Variants in MYH13 observed in about 807,000 individuals in gnomAD.
MYH13 encodes myosin-13.
In MYH13, 177 loss-of-function variants were observed where a neutral mutation model predicts 232.1. The observed-to-expected ratio is 0.76, with a 90% confidence interval of 0.67 to 0.86. The LOEUF (loss-of-function observed/expected upper bound fraction) is 0.86, where lower values mean the gene tolerates loss of function less well. Ranked by LOEUF, MYH13 falls within the 40% of genes least tolerant of loss-of-function variation. MYH13 has a pLI of 0.00. For missense variants in MYH13, 2,246 were observed against 2,405.9 expected (o/e 0.93, Z 1.39); for synonymous variants, 884 against 923.5 (o/e 0.96, Z 0.78).
chr17:10,348,589 A>G (rs2071685449), intron 12 of MYH13, among the ~76,000 whole-genome samples: 1 of 152,186 alleles, frequency 6.6e-6, no homozygotes, highest in African/African-American at 2.4e-5. Flanking sequence ...TAAGCACTGC[A>G]CACACACAGC....
Position 10,305,989 on chromosome 17 carries a change from T to C in MYH13, c.5466+470A>G, listed in dbSNP as rs918035711. Among the ~76,000 whole-genome samples, 4 of 151,978 alleles carry C rather than the reference T, an allele frequency of 2.6e-5. No individual in the cohort carries two copies. In the South Asian group the frequency reaches 6.2e-4, roughly 24 times the overall value. ...GCTGGGGAGGGAAGGAAACCTGAGA[T>C]TGGGAGAAAACGGAAACTGCAGATT... On this transcript the variant is annotated intron_variant, in intron 37 of 40. Coordinates refer to ENST00000252172, the MANE Select transcript of MYH13 (RefSeq NM_003802.3).
intron 26 of MYH13, 82 bp from the exon 27 acceptor site, chr17:10,319,261 C>A: frequency 2.0e-6 from 3 of 1,470,562 alleles, no homozygotes; most frequent in Non-Finnish European, 2.7e-6. Context: ...TGAGGAATTG[C>A]GGGTAGGCAG....
At chr17:10,326,119 T>C (rs1907189854) in intron 22 of MYH13, among the ~76,000 whole-genome samples, 1 of 152,216 alleles carries the variant, frequency 6.6e-6, no homozygotes. Context: ...GATTTTTCAA[T>C]AGCTGGATGA....
rs1278262059 is a variant in MYH13, at chr17:10,360,145, A to C, written c.533+16T>G. 6.2e-7 allele frequency: 1 copy of C among 1,614,190 alleles called. No homozygotes were observed. The highest frequency in any genetic ancestry group is 1.1e-5 in the South Asian group (1 of 91,078). The stretch of plus-strand genomic sequence containing the variant: ...CTGGTTTCCAAGTCATGATGGTACA[A>C]AGAGGTGTTACTCACGTGATGAGGA... On this transcript the variant is annotated intron_variant, in intron 6 of 40. Coordinates refer to ENST00000252172, the MANE Select transcript of MYH13 (RefSeq NM_003802.3).
chr17:10,334,768 ACTCGGGAGG>A (rs1401950371), intron 18 of MYH13, among the ~76,000 whole-genome samples: 2 of 152,066 alleles, frequency 1.3e-5, no homozygotes, highest in Non-Finnish European at 2.9e-5. Flanking sequence ...AGTCTCAGCT[ACTCGGGAGG>A]CTGCGTCAAG....
intron 31 of MYH13, among the ~76,000 whole-genome samples, chr17:10,312,283 C>T (rs1250680447): frequency 1.3e-5 from 2 of 152,182 alleles, no homozygotes; most frequent in African/African-American, 2.4e-5. Context: ...ACATTATAAT[C>T]TCAGTGGAAC....
chr17:10,355,491 A>C (rs2071742250), intron 8 of MYH13, among the ~76,000 whole-genome samples: 1 of 152,340 alleles, frequency 6.6e-6, no homozygotes, highest in South Asian at 2.1e-4. Context: ...AATAAATGGC[A>C]TGCTTACATC....
Position 10,345,594 on chromosome 17 carries a change from A to G in MYH13, c.1286T>C (p.Leu429Pro), listed in dbSNP as rs1409298516. The stretch of plus-strand genomic sequence containing the variant: ...CATCTTCTCGTAGACGGCTTTGGCC[A>G]GAGCACCCACCGAATTGGTCACCTT... ...VQQVTNSVGA[L>P]AKAVYEKMFL... is the part of the protein sequence containing the mutation. The change falls in exon 14 of 41, where the codon CTG (leucine) becomes CCG (proline). Residue 429 changes from leucine to proline, a missense_variant. Physicochemically the swap from Leu to Pro is moderately conservative, Grantham distance 98. Coordinates refer to ENST00000252172, the MANE Select transcript of MYH13 (RefSeq NM_003802.3). 1 of 1,614,196 alleles carries G rather than the reference A, an allele frequency of 6.2e-7. No homozygotes were observed. Among genetic ancestry groups the G allele is most frequent in the East Asian group, 2.2e-5 (1 of 44,874 alleles).
At chr17:10,319,578 A>G (rs933349049) in intron 26 of MYH13, among the ~76,000 whole-genome samples, 11 of 152,116 alleles carry the variant, frequency 7.2e-5, no homozygotes, top group Non-Finnish European at 1.3e-4. Context: ...CTAAGTGTCC[A>G]TGGATAAGAG....
intron 29 of MYH13, among the ~76,000 whole-genome samples, chr17:10,314,673 C>A (rs1035952214): frequency 6.6e-6 from 1 of 152,152 alleles, no homozygotes; most frequent in African/African-American, 2.4e-5. Flanking sequence ...CAAAAGATTG[C>A]CCTATAAGTC....
intron 19 of MYH13, among the ~76,000 whole-genome samples, chr17:10,332,573 C>T (rs1907447062): frequency 6.6e-6 from 1 of 152,196 alleles, no homozygotes; most frequent in South Asian, 2.1e-4. Flanking sequence ...AAGGTCCTCT[C>T]CTGTCCTCCA....
chr17:10,301,441 A>C, intron 40 of MYH13, 128 bp downstream of exon 40: 1 of 1,407,440 alleles, frequency 7.1e-7, no homozygotes, highest in Non-Finnish European at 9.8e-7. Flanking sequence ...ACCTGCTCTT[A>C]CCTGGTCCCC....
At chr17:10,308,336 A>G (rs2142218763) in intron 35 of MYH13, among the ~76,000 whole-genome samples, 1 of 151,734 alleles carries the variant, frequency 6.6e-6, no homozygotes, top group East Asian at 1.9e-4. Flanking sequence ...TCAAAAAAAA[A>G]AAAAAAAGAT....
Position 10,354,920 on chromosome 17 carries a change from C to A in MYH13, c.876G>T (p.Met292Ile). Residue 292 changes from methionine to isoleucine, a missense_variant, in exon 10 of 41, where the codon ATG becomes ATT. Transcript: ENST00000252172. The part of the protein sequence containing the change: ...ERSYHIFYQI[M>I]SNKKPELIDL... ...CAATTAGTTCTGGCTTCTTGTTTGA[C>A]ATAATTTGGTAGAAAATATGATAGC... The A allele has an allele frequency of 6.2e-7, 1 of 1,603,566 alleles. No homozygotes were observed. Among genetic ancestry groups the A allele is most frequent in the Non-Finnish European group, 8.5e-7 (1 of 1,170,522 alleles).
rs1187900240 is a variant in MYH13, at chr17:10,309,318, G to A, written c.5085C>T (p.Ala1695=). The A allele has an allele frequency of 6.2e-7, 1 of 1,613,818 alleles. No homozygotes were observed. Among genetic ancestry groups the A allele is most frequent in the East Asian group, 2.2e-5 (1 of 44,890 alleles). Residue 1695 remains alanine, a synonymous_variant, in exon 35 of 41, where the codon GCC becomes GCT. Transcript: ENST00000252172. Reference sequence around the variant, plus strand: ...TGCGGGTCCGCTCCGTCTGTTCCAGGGCCACCTTCATTTCCTCCAGCTCCT... The same window carrying A: ...TGCGGGTCCGCTCCGTCTGTTCCAGAGCCACCTTCATTTCCTCCAGCTCCT... ...LLEELEEMKV[A]LEQTERTRRL...
At chr17:10,361,698 C>T (rs28669357) in intron 5 of MYH13, among the ~76,000 whole-genome samples, 5,216 of 152,224 alleles carry the variant, frequency 0.034, 257 homozygotes, top group East Asian at 0.11. Context: ...TGTCCTTACT[C>T]CCCAGGTCAT....
chr17:10,340,568 G>A (rs1597383810), intron 16 of MYH13, among the ~76,000 whole-genome samples, 167 bp from the exon 17 acceptor site: 1 of 152,260 alleles, frequency 6.6e-6, no homozygotes, highest in South Asian at 2.1e-4. Flanking sequence ...GTCCAGGCTG[G>A]AGTGCAATGG....
chr17:10,329,906 G>A (rs1158015166), intron 21 of MYH13, among the ~76,000 whole-genome samples: 1 of 151,902 alleles, frequency 6.6e-6, no homozygotes, highest in Non-Finnish European at 1.5e-5. Flanking sequence ...AGGCTGAGGC[G>A]GGAGAATCGC....
chr17:10,318,462 T>C (rs1422783875), intron 27 of MYH13, among the ~76,000 whole-genome samples: 1 of 152,126 alleles, frequency 6.6e-6, no homozygotes. Flanking sequence ...GAGGATGCAA[T>C]GAGAAGGCAC....
Sources: gnomAD v4.1 joint callset for allele counts (sites outside exome capture counted in the v4.1 genomes callset) on GRCh38, gnomAD v4.1.1 for gene constraint, MANE v1.5 for transcripts, NCBI Gene and HGNC (gene_info 2026-07-23, HGNC 2026-07-21) for gene names.